The following CHRDL1 variants were observed in gnomAD, a reference collection of about 807,000 sequenced individuals.
CHRDL1 encodes the protein chordin-like protein 1.
CHRDL1 carries 19 observed loss-of-function variants against 40.9 expected under a neutral mutation model. The ratio of observed to expected loss-of-function variants is 0.46; its 90% CI spans 0.32 to 0.68. The LOEUF is 0.68. CHRDL1 is among the 30% of genes least tolerant of loss of function. The pLI is 0.03. For missense variants in CHRDL1, 329 were observed against 352.1 expected (o/e 0.93, Z 0.53); for synonymous variants, 136 against 123.4 (o/e 1.10, Z -0.68).
intron 9 of CHRDL1, 76 bp from the exon 10 acceptor site, chrX:110,681,725 A>C: frequency 1.3e-6 from 1 of 744,731 alleles, no homozygotes; most frequent in Non-Finnish European, 2.0e-6. Context: ...TATGTATCTC[A>C]TTGTTCATAA....
At chrX:110,781,277 GA>G (rs1234791771) in intron 2 of CHRDL1, among the ~76,000 whole-genome samples, 1 of 111,105 alleles carries the variant, frequency 9.0e-6, no homozygotes. Flanking sequence ...CAACATTTCA[GA>G]AAGAATCTGA....
rs748434485 is a variant in CHRDL1 at position 110,721,472 on chromosome X, C to T, written c.360G>A (p.Gly120=). 1 of 1,206,494 alleles carries T rather than the reference C, an allele frequency of 8.3e-7. No individual in the cohort carries two copies. The highest frequency in any genetic ancestry group is 1.1e-6 in the Non-Finnish European group (1 of 890,704). ...ACAGCTCTCCATGTTGGTAAGTTGT[C>T]CCATTGTACTCGCAAGACTTGCTGG... ...KVTSKSCEYN[G]TTYQHGELFV... The change falls in exon 5 of 12, where the codon GGG becomes GGA. Residue 120 remains glycine (G), a synonymous_variant. Coordinates refer to ENST00000372042, the MANE Select transcript of CHRDL1 (RefSeq NM_001143981.2).
chrX:110,689,941 C>A (rs1265424702), intron 8 of CHRDL1, among the ~76,000 whole-genome samples: 11 of 10,616 alleles, frequency 1.0e-3, no homozygotes, highest in African/African-American at 7.1e-3. Context: ...CTATATATAT[C>A]TATATATCTA....
intron 4 of CHRDL1, among the ~76,000 whole-genome samples, chrX:110,727,545 T>C (rs2071080245): frequency 8.9e-6 from 1 of 112,068 alleles, no homozygotes; most frequent in Non-Finnish European, 1.9e-5. Context: ...AACAGATTCA[T>C]AACCCAATGG....
chrX:110,719,983 T>C, intron 5 of CHRDL1, 55 bp from the exon 6 acceptor site: 2 of 767,218 alleles, frequency 2.6e-6, no homozygotes, highest in Non-Finnish European at 3.9e-6. Flanking sequence ...GTGTAAAGGC[T>C]TCACTTAATA....
intron 4 of CHRDL1, among the ~76,000 whole-genome samples, chrX:110,741,457 G>A (rs1390231946): frequency 9.0e-6 from 1 of 110,812 alleles, no homozygotes; most frequent in Non-Finnish European, 1.9e-5. Context: ...AGGCTAAAGT[G>A]GGAGGTACAG....
intron 2 of CHRDL1, among the ~76,000 whole-genome samples, chrX:110,764,154 G>A (rs765106868): frequency 1.3e-4 from 15 of 111,999 alleles, no homozygotes; most frequent in Admixed American, 1.1e-3. Flanking sequence ...TTTGTCAGAT[G>A]TATAGATTGT....
intron 2 of CHRDL1, among the ~76,000 whole-genome samples, chrX:110,784,449 T>C (rs2089987004): frequency 9.0e-6 from 1 of 111,435 alleles, no homozygotes; most frequent in South Asian, 3.9e-4. Context: ...TCTTGCTCTG[T>C]CACCCAGGCT....
At chrX:110,793,862 A>G (rs1216510482) in intron 1 of CHRDL1, among the ~76,000 whole-genome samples, 1 of 112,125 alleles carries the variant, frequency 8.9e-6, no homozygotes, top group Non-Finnish European at 1.9e-5. Context: ...AGTTGGCAAG[A>G]AAACAGCTCA....
At chrX:110,795,432 T>C (rs1001788339) in intron 1 of CHRDL1, among the ~76,000 whole-genome samples, 2 of 111,870 alleles carry the variant, frequency 1.8e-5, no homozygotes, top group African/African-American at 6.5e-5. Context: ...CAGAGTCCCT[T>C]GGGTAGCTCA....
At chrX:110,765,628 G>T (rs2089647059) in intron 2 of CHRDL1, among the ~76,000 whole-genome samples, 2 of 111,625 alleles carry the variant, frequency 1.8e-5, no homozygotes, top group African/African-American at 6.5e-5. Flanking sequence ...TTATTTCTGG[G>T]TTCTCTATTC....
At chrX:110,692,158 C>T (rs1263556931) in intron 8 of CHRDL1, among the ~76,000 whole-genome samples, 1 of 111,409 alleles carries the variant, frequency 9.0e-6, no homozygotes, top group East Asian at 2.8e-4. Context: ...AGGCAGGATT[C>T]CCAGTGTTAT....
chrX:110,775,297 G>A (rs2148523560), intron 2 of CHRDL1, among the ~76,000 whole-genome samples: 1 of 110,880 alleles, frequency 9.0e-6, no homozygotes, highest in East Asian at 2.8e-4. Flanking sequence ...CTATCCATTG[G>A]GAGAGGTGAA....
chrX:110,788,499 T>TA (rs1385074144), intron 2 of CHRDL1, among the ~76,000 whole-genome samples: 2 of 111,910 alleles, frequency 1.8e-5, no homozygotes, highest in Non-Finnish European at 1.9e-5. Flanking sequence ...CCCTGCAAGA[T>TA]AAAAAACTTT....
intron 2 of CHRDL1, among the ~76,000 whole-genome samples, chrX:110,775,131 C>T (rs913062780): frequency 6.3e-5 from 7 of 111,458 alleles, no homozygotes; most frequent in Middle Eastern, 4.6e-3. Flanking sequence ...CACATTTCCA[C>T]GAATAGCCAT....
At chrX:110,770,970 A>G (rs1467776219) in intron 2 of CHRDL1, among the ~76,000 whole-genome samples, 2 of 110,535 alleles carry the variant, frequency 1.8e-5, no homozygotes, top group African/African-American at 6.6e-5. Flanking sequence ...TACATGGTAA[A>G]ACCCTGTCTC....
At chrX:110,709,977 G>C (rs2070718578) in intron 6 of CHRDL1, among the ~76,000 whole-genome samples, 1 of 111,043 alleles carries the variant, frequency 9.0e-6, no homozygotes, top group African/African-American at 3.3e-5. Flanking sequence ...ACTCCAGCCT[G>C]GGCAACAGAG....
At chrX:110,729,878 T>C (rs1424900893) in intron 4 of CHRDL1, among the ~76,000 whole-genome samples, 3 of 112,443 alleles carry the variant, frequency 2.7e-5, no homozygotes, top group African/African-American at 6.5e-5. Flanking sequence ...CCATAGGTTG[T>C]TGGGATGATC....
In CHRDL1 at chrX:110,754,803, C is replaced by G. The variant is rs1157009596; in HGVS notation, c.301+4858G>C. ...TAATAACCCAGGAATGCTGGAATAC[C>G]TCCAGGAAAACCCAAATTTATTAAT... On this transcript the variant is annotated intron_variant, in intron 4 of 11. Coordinates refer to ENST00000372042, the MANE Select transcript of CHRDL1 (RefSeq NM_001143981.2). 2.7e-5 allele frequency among the ~76,000 whole-genome samples: 3 copies of G among 110,513 alleles called. No individual in the cohort carries two copies. In the East Asian group the frequency reaches 8.5e-4, roughly 31 times the overall value.
Sources: gnomAD v4.1 joint callset for allele counts (sites outside exome capture counted in the v4.1 genomes callset) on GRCh38, gnomAD v4.1.1 for gene constraint, MANE v1.5 for transcripts, NCBI Gene and HGNC (gene_info 2026-07-23, HGNC 2026-07-21) for gene names.